FAM117A: variants seen among roughly 807,000 people sequenced by gnomAD.
FAM117A encodes the protein family with sequence similarity 117 member A.
FAM117A carries 21 observed loss-of-function variants against 44.1 expected under a neutral mutation model. That is an observed-to-expected ratio of 0.48 (90% CI 0.34 to 0.69). The LOEUF (loss-of-function observed/expected upper bound fraction) is 0.69. Among genes scored for constraint, FAM117A ranks in the 30% least tolerant of loss-of-function variants. The pLI is 0.01. For synonymous variants in FAM117A, 220 were observed against 238.3 expected, an observed-to-expected ratio of 0.92 and a Z score of 0.71; for missense variants, 498 against 589.9, an observed-to-expected ratio of 0.84 and a Z score of 1.61.
chr17:49,736,960 G>A (rs1360022108), intron 1 of FAM117A, among the ~76,000 whole-genome samples: 1 of 152,236 alleles, frequency 6.6e-6, no homozygotes, highest in Non-Finnish European at 1.5e-5. Flanking sequence ...CATAGGGCTG[G>A]CAATTGGCAG....
At chr17:49,758,372 T>TC (rs2073707185) in intron 1 of FAM117A, among the ~76,000 whole-genome samples, 1 of 148,630 alleles carries the variant, frequency 6.7e-6, no homozygotes, top group South Asian at 2.1e-4. Context: ...ACGCCTGTAA[T>TC]CCCAGCACTT....
rs545406196 is a variant in FAM117A, at chr17:49,769,542, C to CA, written c.-621+18954dup. On this transcript the variant is annotated intron_variant, in intron 1 of 7. Coordinates refer to the FAM117A transcript ENST00000513602. ...TGAAACCCCATCTCTACTAAAAATA[C>CA]AAAAAAAATTAGCCGGGCATGGTGG... Among the ~76,000 whole-genome samples, 83 of 150,000 alleles carry CA rather than the reference C, an allele frequency of 5.5e-4. No homozygotes were observed. In the South Asian group the frequency reaches 0.014, roughly 26 times the overall value.
At chr17:49,728,940 C>T (rs1295566854) in intron 2 of FAM117A, among the ~76,000 whole-genome samples, 2 of 152,234 alleles carry the variant, frequency 1.3e-5, no homozygotes, top group African/African-American at 4.8e-5. Context: ...TCTTTCCTTG[C>T]CCCAAATATT....
At position 49,717,538 on chromosome 17, in the gene FAM117A, CTCCTCGGCGGCACCCCGATGT is replaced by C; in HGVS notation, c.864_884del (p.His289_Glu295del). 1 of 1,614,110 alleles carries C rather than the reference CTCCTCGGCGGCACCCCGATGT, an allele frequency of 6.2e-7. No homozygotes were observed. The highest frequency in any genetic ancestry group is 8.5e-7 in the Non-Finnish European group (1 of 1,179,996). On this transcript the variant is annotated inframe_deletion, in exon 6 of 8. Transcript: ENST00000240364. ...CTTTGTCGTTGGGGGTGGATGCCAG[CTCCTCGGCGGCACCCCGATGT>C]TCCTCATGACTGGCCAGGCCACAAG...
At chr17:49,768,737 T>C (rs1055573336), upstream of FAM117A, among the ~76,000 whole-genome samples, 3 of 152,158 alleles carry the variant, frequency 2.0e-5, no homozygotes, top group African/African-American at 7.2e-5. Context: ...AGGGGGGTCC[T>C]AGCCCTCAGC....
chr17:49,725,350 C>G (rs1366681541), intron 2 of FAM117A, among the ~76,000 whole-genome samples: 4 of 152,238 alleles, frequency 2.6e-5, no homozygotes, highest in African/African-American at 9.6e-5. Flanking sequence ...CTGTTTCAGG[C>G]ACTGGCCATA....
intron 1 of FAM117A, among the ~76,000 whole-genome samples, chr17:49,778,376 T>TA (rs57743158): frequency 0.025 from 3,792 of 152,316 alleles, 154 homozygotes; most frequent in African/African-American, 0.086. Flanking sequence ...GTCTGTTTTT[T>TA]AAAAAATGAC....
At position 49,714,539 on chromosome 17, in the gene FAM117A, T is replaced by C. The variant is rs183141754; in HGVS notation, c.1061+1626A>G. Among the ~76,000 whole-genome samples, 107 of 152,166 alleles carry C rather than the reference T, an allele frequency of 7.0e-4. 1 individual carries two copies. In the East Asian group the frequency reaches 0.02, roughly 28 times the overall value. On this transcript the variant is annotated intron_variant, in intron 7 of 7. Coordinates refer to ENST00000240364, the MANE Select transcript of FAM117A (RefSeq NM_030802.4). ...TTTTAGTAGAGGCTGGGTTTTGCCA[T>C]GTTGCCCAGGCTGGTCTCGAACTCC...
chr17:49,756,519 C>A (rs1285620871), intron 1 of FAM117A, among the ~76,000 whole-genome samples: 1 of 151,754 alleles, frequency 6.6e-6, no homozygotes, highest in Non-Finnish European at 1.5e-5. Context: ...AAAGGAGGCA[C>A]CCCGTGGATG....
At chr17:49,730,883 G>T (rs1315726497) in intron 2 of FAM117A, among the ~76,000 whole-genome samples, 6 of 152,186 alleles carry the variant, frequency 3.9e-5, no homozygotes, top group African/African-American at 1.4e-4. Flanking sequence ...TTGATTCAAG[G>T]TGGGGTATTC....
In FAM117A at chr17:49,712,605, G is replaced by A. The variant is rs544411011; in HGVS notation, c.1062-1050C>T. On this transcript the variant is annotated intron_variant, in intron 7 of 7. Transcript: ENST00000240364. ...GGCTTACTGCAGCCTCGACCTCCCC[G>A]GTCCAAGCAATCCTCCCACCTCATC... 1.2e-4 allele frequency among the ~76,000 whole-genome samples: 19 copies of A among 152,188 alleles called. No individual in the cohort carries two copies. In the South Asian group the frequency reaches 3.3e-3, roughly 27 times the overall value.
At chr17:49,721,901 C>G (rs2073536191) in intron 3 of FAM117A, among the ~76,000 whole-genome samples, 1 of 151,742 alleles carries the variant, frequency 6.6e-6, no homozygotes, top group Non-Finnish European at 1.5e-5. Flanking sequence ...ACCACCCTGG[C>G]CAACACGGTG....
chr17:49,714,673 GACTC>G (rs1313471314), intron 7 of FAM117A, among the ~76,000 whole-genome samples: 8 of 143,642 alleles, frequency 5.6e-5, no homozygotes, highest in Non-Finnish European at 1.2e-4. Flanking sequence ...TTGAGATGGA[GACTC>G]ACTCTGTTGC....
intron 1 of FAM117A, among the ~76,000 whole-genome samples, chr17:49,750,562 G>A (rs1198721212): frequency 6.6e-6 from 1 of 152,018 alleles, no homozygotes; most frequent in African/African-American, 2.4e-5. Flanking sequence ...ATCACCTGAG[G>A]TCAGGAGTTC....
intron 1 of FAM117A, among the ~76,000 whole-genome samples, chr17:49,748,746 A>G (rs1015692133): frequency 6.6e-6 from 1 of 152,204 alleles, no homozygotes; most frequent in Non-Finnish European, 1.5e-5. Context: ...TGTTTTCTCT[A>G]TGTTAAGAAT....
At chr17:49,725,358 A>G (rs909327211) in intron 2 of FAM117A, among the ~76,000 whole-genome samples, 18 of 152,242 alleles carry the variant, frequency 1.2e-4, no homozygotes, top group Admixed American at 3.3e-4. Flanking sequence ...GGCACTGGCC[A>G]TACAACCATG....
chr17:49,720,874 C>T (rs553734848), intron 3 of FAM117A, among the ~76,000 whole-genome samples: 1 of 152,198 alleles, frequency 6.6e-6, no homozygotes, highest in South Asian at 2.1e-4. Flanking sequence ...ACCATCACCC[C>T]CAGCTAATTT....
intron 1 of FAM117A, among the ~76,000 whole-genome samples, chr17:49,751,925 C>G (rs2073679113): frequency 8.7e-6 from 1 of 114,332 alleles, no homozygotes. Context: ...GTCTGGGCAA[C>G]AGAGTGAGAC....
In FAM117A at chr17:49,719,877, G is replaced by C. The variant is rs1265308465; in HGVS notation, c.591C>G (p.Phe197Leu). The change falls in exon 5 of 8, where the codon TTC becomes TTG. Residue 197 changes from phenylalanine (F) to leucine (L), a missense_variant. Coordinates refer to ENST00000240364, the MANE Select transcript of FAM117A (RefSeq NM_030802.4). The stretch of plus-strand genomic sequence containing the variant: ...GTCGCAAGACAGGGGACCCTGAGGG[G>C]AAGCTGGGAGGGGACGCCTGAGGAA... The part of the protein sequence containing the change: ...RGALRASPPS[F>L]PSGSPVLRLS... The C allele has an allele frequency of 1.9e-6, 3 of 1,605,048 alleles. No homozygotes were observed. The highest frequency in any genetic ancestry group is 2.5e-6 in the Non-Finnish European group (3 of 1,177,466).
Sources: gnomAD v4.1 joint callset for allele counts (sites outside exome capture counted in the v4.1 genomes callset) on GRCh38, gnomAD v4.1.1 for gene constraint, MANE v1.5 for transcripts, NCBI Gene and HGNC (gene_info 2026-07-23, HGNC 2026-07-21) for gene names.